EFL1: variants seen among roughly 807,000 people sequenced by gnomAD.
The protein encoded by EFL1 is elongation factor-like GTPase 1.
In EFL1, 76 loss-of-function variants were observed where a neutral mutation model predicts 126.7. The observed-to-expected ratio is 0.60, with a 90% CI of 0.50 to 0.73. EFL1 has a LOEUF of 0.73. EFL1 is among the 30% of genes least tolerant of loss of function. The probability of loss-of-function intolerance (pLI) is 0.00; values close to 1 mark genes in which losing one functional copy is unlikely to be tolerated. For synonymous variants in EFL1, 410 were observed against 448.4 expected (o/e 0.91, Z 1.08); for missense variants, 1,128 against 1,343.2 (o/e 0.84, Z 2.50).
chr15:82,259,072 T>C lies in EFL1; in HGVS notation c.159+16A>G, dbSNP rs1390510261. The C allele has an allele frequency of 6.2e-7, 1 of 1,609,662 alleles. No homozygotes were observed. The highest frequency in any genetic ancestry group is 1.7e-5 in the Admixed American group (1 of 59,896). ...AATACTGAAATGCAACAAGTATTTA[T>C]AAAATAATAACATACCTTGCCTGCT... On this transcript the variant is annotated intron_variant, in intron 3 of 19. Coordinates refer to ENST00000268206, the MANE Select transcript of EFL1 (RefSeq NM_024580.6).
chr15:82,202,277 C>G (rs1187257716), intron 15 of EFL1, among the ~76,000 whole-genome samples: 1 of 151,818 alleles, frequency 6.6e-6, no homozygotes, highest in East Asian at 1.9e-4. Context: ...TACTCTTTTC[C>G]TATTTTTTTT....
At chr15:82,262,331 C>T (rs2867649) in intron 1 of EFL1, 26,147 of 154,220 alleles carry the variant, frequency 0.17, 2,592 homozygotes, top group Non-Finnish European at 0.24. Flanking sequence ...AGGTGCACTG[C>T]CGGTCTTTCA....
At chr15:82,164,539 G>A (rs1159077005) in intron 15 of EFL1, among the ~76,000 whole-genome samples, 1 of 152,108 alleles carries the variant, frequency 6.6e-6, no homozygotes, top group African/African-American at 2.4e-5. Context: ...GCTGATGATT[G>A]CATGAGACTC....
intron 15 of EFL1, among the ~76,000 whole-genome samples, chr15:82,179,552 A>G (rs2074228107): frequency 6.6e-6 from 1 of 152,138 alleles, no homozygotes; most frequent in African/African-American, 2.4e-5. Context: ...CCTGACTTCT[A>G]GACCACAGCT....
chr15:82,220,101 C>T lies in EFL1; in HGVS notation c.1421G>A (p.Cys474Tyr), dbSNP rs565500025. 1 of 1,610,650 alleles carries T rather than the reference C, an allele frequency of 6.2e-7. No homozygotes were observed. The highest frequency in any genetic ancestry group is 1.3e-5 in the African/African-American group (1 of 74,662). ...PTQDGSAIET[C>Y]PKGEEPRGDE... ...ACCTCTTGGCTCCTCTCCTTTTGGA[C>T]ATGTTTCAATGGCACTCCCATCTTG... Residue 474 changes from cysteine to tyrosine, a missense_variant, in exon 13 of 20, where the codon TGT becomes TAT. Physicochemically the swap from Cys to Tyr is radical, Grantham distance 194. Coordinates refer to ENST00000268206, the MANE Select transcript of EFL1 (RefSeq NM_024580.6).
intron 15 of EFL1, among the ~76,000 whole-genome samples, chr15:82,183,608 G>T (rs1418318861): frequency 6.6e-6 from 1 of 152,160 alleles, no homozygotes. Flanking sequence ...GGAAGGAGCT[G>T]GGAGAAATGT....
At chr15:82,199,855 C>A (rs1315796835) in intron 15 of EFL1, among the ~76,000 whole-genome samples, 1 of 152,074 alleles carries the variant, frequency 6.6e-6, no homozygotes, top group Non-Finnish European at 1.5e-5. Flanking sequence ...TTTAATGTAT[C>A]GCAGGAGATA....
chr15:82,130,289 G>C lies in EFL1; in HGVS notation c.*84C>G. ...AAAGTGAATAAACAGAGATAATGTG[G>C]CAAAAAGAAATTTTCCCAATATTAA... On this transcript the variant is annotated 3_prime_UTR_variant, in exon 20 of 20. Coordinates refer to ENST00000268206, the MANE Select transcript of EFL1 (RefSeq NM_024580.6). 7.1e-7 allele frequency: 1 copy of C among 1,412,016 alleles called. No homozygotes were observed. Among genetic ancestry groups the C allele is most frequent in the Non-Finnish European group, 9.6e-7 (1 of 1,046,186 alleles). 87.5% of individuals were successfully genotyped at this position (1,412,016 alleles called of 1,614,324 possible). A position where few individuals can be genotyped will look rare whatever the true frequency, so the allele number is the denominator to read the frequency against.
intron 15 of EFL1, among the ~76,000 whole-genome samples, chr15:82,205,687 T>A (rs144219220): frequency 1.3e-5 from 2 of 152,310 alleles, no homozygotes; most frequent in Admixed American, 1.3e-4. Context: ...TTATCTGGCC[T>A]CTACATTGTT....
chr15:82,186,210 CT>C (rs1365515225), intron 15 of EFL1, among the ~76,000 whole-genome samples: 1 of 152,042 alleles, frequency 6.6e-6, no homozygotes, highest in Non-Finnish European at 1.5e-5. Flanking sequence ...CATCTAAAGG[CT>C]TTGATATGTT....
At chr15:82,162,466 GTATT>G (rs1395041299) in intron 16 of EFL1, among the ~76,000 whole-genome samples, 1 of 152,206 alleles carries the variant, frequency 6.6e-6, no homozygotes, top group Non-Finnish European at 1.5e-5. Flanking sequence ...TTTCTTGTAT[GTATT>G]TCTTAGGATT....
At chr15:82,202,953 A>G (rs1238066559) in intron 15 of EFL1, among the ~76,000 whole-genome samples, 1 of 151,926 alleles carries the variant, frequency 6.6e-6, no homozygotes. Flanking sequence ...CTGGGGTTAC[A>G]GGCATGTTCC....
chr15:82,211,592 C>CACACACACACACACA, intron 15 of EFL1, among the ~76,000 whole-genome samples: 2 of 60,132 alleles, frequency 3.3e-5, no homozygotes, highest in East Asian at 3.1e-4. Flanking sequence ...TAGACACATA[C>CACACACACACACACA]TAGACACACA....
intron 18 of EFL1, among the ~76,000 whole-genome samples, chr15:82,147,108 A>G (rs954476535): frequency 6.6e-6 from 1 of 152,158 alleles, no homozygotes; most frequent in African/African-American, 2.4e-5. Flanking sequence ...ACACTATGCT[A>G]GGAATTCAGT....
At chr15:82,204,905 A>G (rs2074508280) in intron 15 of EFL1, among the ~76,000 whole-genome samples, 1 of 152,220 alleles carries the variant, frequency 6.6e-6, no homozygotes, top group Non-Finnish European at 1.5e-5. Context: ...TCTGCAGTCT[A>G]TTCATTATTA....
chr15:82,159,840 C>A (rs1208557657), intron 16 of EFL1: 5 of 152,188 alleles, frequency 3.3e-5, no homozygotes, highest in Non-Finnish European at 7.3e-5. Context: ...AATCATTCTT[C>A]CCTTTGGACT....
At chr15:82,146,123 G>A (rs2073843222) in intron 18 of EFL1, among the ~76,000 whole-genome samples, 1 of 152,002 alleles carries the variant, frequency 6.6e-6, no homozygotes, top group East Asian at 1.9e-4. Context: ...ACATTTTCCT[G>A]AAATTATTTC....
At chr15:82,253,913 G>C (rs2075045547) in intron 3 of EFL1, among the ~76,000 whole-genome samples, 1 of 152,068 alleles carries the variant, frequency 6.6e-6, no homozygotes, top group Non-Finnish European at 1.5e-5. Context: ...CCTTTCTCCA[G>C]AATGATTTTC....
intron 3 of EFL1, among the ~76,000 whole-genome samples, chr15:82,255,967 T>A (rs2075063089): frequency 6.6e-6 from 1 of 152,252 alleles, no homozygotes; most frequent in African/African-American, 2.4e-5. Context: ...TTGAAATTTT[T>A]AAAAATCTGT....
Sources: allele counts gnomAD v4.1 joint callset (sites outside exome capture counted in the v4.1 genomes callset), GRCh38; gene constraint gnomAD v4.1.1; transcripts MANE v1.5; gene names NCBI Gene and HGNC (gene_info 2026-07-23, HGNC 2026-07-21).